Variants in MALRD1 observed in about 807,000 individuals in gnomAD.
The protein encoded by MALRD1 is MAM and LDL-receptor class A domain-containing protein 1.
MALRD1 carries 247 observed loss-of-function variants against 242.1 expected under a neutral mutation model. The ratio of observed to expected loss-of-function variants is 1.02; its 90% CI spans 0.92 to 1.13. The LOEUF (loss-of-function observed/expected upper bound fraction) is 1.13. Among genes scored for constraint, MALRD1 ranks in the 50% most tolerant of loss-of-function variants. The pLI is 0.00. For synonymous variants in MALRD1, 995 were observed against 866.6 expected (o/e 1.15, Z -2.60); for missense variants, 2,989 against 2,533.1 (o/e 1.18, Z -3.86).
At chr10:19,259,983 C>T (rs1433473858) in intron 19 of MALRD1, among the ~76,000 whole-genome samples, 1 of 152,116 alleles carries the variant, frequency 6.6e-6, no homozygotes, top group Non-Finnish European at 1.5e-5. Context: ...ACTGTTTAAT[C>T]TCCAATTCCT....
chr10:19,711,298 A>G (rs893734794), intron 38 of MALRD1: 6 of 152,198 alleles, frequency 3.9e-5, no homozygotes, highest in African/African-American at 1.4e-4. Flanking sequence ...TCTTTTCAAA[A>G]AAGAAACACA....
chr10:19,319,573 C>T (rs951063151), intron 21 of MALRD1, among the ~76,000 whole-genome samples: 15 of 152,082 alleles, frequency 9.9e-5, no homozygotes, highest in African/African-American at 3.1e-4. Context: ...AACAAAGAGA[C>T]TTATAAATAA....
rs575204911 is a variant in MALRD1 at position 19,684,160 on chromosome 10, A to G, written c.6138-8122A>G. Among the ~76,000 whole-genome samples, 156 of 152,232 alleles carry G rather than the reference A, an allele frequency of 1.0e-3. 1 individual carries two copies. Among genetic ancestry groups the G allele is most frequent in the Non-Finnish European group, 1.1e-3 (72 of 68,018 alleles). The stretch of plus-strand genomic sequence containing the variant: ...CATATTTTAACTTTAGTGAAGCAAA[A>G]CCGTATGGTCAACAGAGCCAAAGTT... On this transcript the variant is annotated intron_variant, in intron 36 of 39. Coordinates refer to ENST00000454679, the MANE Select transcript of MALRD1 (RefSeq NM_001142308.3).
chr10:19,101,279 T>A (rs928029909), intron 4 of MALRD1, among the ~76,000 whole-genome samples: 1 of 146,902 alleles, frequency 6.8e-6, no homozygotes, highest in Admixed American at 6.9e-5. Flanking sequence ...ATATATAATA[T>A]GTAATAAATA....
intron 21 of MALRD1, among the ~76,000 whole-genome samples, chr10:19,306,594 T>C (rs1208734236): frequency 6.7e-6 from 1 of 149,560 alleles, no homozygotes; most frequent in African/African-American, 2.5e-5. Flanking sequence ...ACTGTATATA[T>C]ACTTAATTGT....
Position 19,266,241 on chromosome 10 carries a change from C to T in MALRD1, c.3079+8470C>T, listed in dbSNP as rs766707435. ...GTAATTATTAATAGGTAAGGACTTA[C>T]TATTGCCATTTAAAAAATTCCTTCC... On this transcript the variant is annotated intron_variant, in intron 19 of 39. Transcript: ENST00000454679. 2.6e-5 allele frequency among the ~76,000 whole-genome samples: 4 copies of T among 151,662 alleles called. 1 individual carries two copies. The highest frequency in any genetic ancestry group is 2.6e-4 in the Admixed American group (4 of 15,220).
intron 21 of MALRD1, among the ~76,000 whole-genome samples, chr10:19,286,589 C>T (rs1297303861): frequency 6.6e-6 from 1 of 151,890 alleles, no homozygotes; most frequent in Non-Finnish European, 1.5e-5. Flanking sequence ...ATACATTCCT[C>T]GACACATACA....
chr10:19,114,379 A>G (rs1836796417), intron 5 of MALRD1, among the ~76,000 whole-genome samples: 1 of 152,178 alleles, frequency 6.6e-6, no homozygotes, highest in Non-Finnish European at 1.5e-5. Flanking sequence ...TTTTTGGTTT[A>G]TAGAAATGAT....
intron 4 of MALRD1, among the ~76,000 whole-genome samples, chr10:19,099,953 G>A (rs1299946497): frequency 6.6e-6 from 1 of 151,942 alleles, no homozygotes; most frequent in African/African-American, 2.4e-5. Flanking sequence ...TTGAGATGGG[G>A]TTTCGCCATG....
chr10:19,545,931 T>C (rs1196966579), intron 32 of MALRD1, among the ~76,000 whole-genome samples: 1 of 152,204 alleles, frequency 6.6e-6, no homozygotes, highest in African/African-American at 2.4e-5. Context: ...ATTTTTACAA[T>C]CATACTGTTA....
intron 35 of MALRD1, among the ~76,000 whole-genome samples, chr10:19,610,423 T>C (rs1387167504): frequency 1.3e-5 from 2 of 151,972 alleles, no homozygotes; most frequent in Non-Finnish European, 2.9e-5. Flanking sequence ...TCTGCTTCTA[T>C]GATATCAACT....
At chr10:19,203,361 G>A (rs1276128591) in intron 14 of MALRD1, among the ~76,000 whole-genome samples, 1 of 152,020 alleles carries the variant, frequency 6.6e-6, no homozygotes. Flanking sequence ...AAAATACCCT[G>A]CAGGAACAAT....
intron 31 of MALRD1, among the ~76,000 whole-genome samples, chr10:19,513,044 T>A (rs11813948): frequency 1.1e-3 from 162 of 152,314 alleles, no homozygotes; most frequent in African/African-American, 3.8e-3. Flanking sequence ...CATAGATAAT[T>A]TGAGTTGGGT....
rs556383399 is a variant in MALRD1 at position 19,072,489 on chromosome 10, T to C, written c.340+5630T>C. On this transcript the variant is annotated intron_variant, in intron 2 of 39. Coordinates refer to ENST00000454679, the MANE Select transcript of MALRD1 (RefSeq NM_001142308.3). The stretch of plus-strand genomic sequence containing the variant: ...ACAGGTAAAAACCCTTCTTAACTCA[T>C]AGGATATGCAAAATTAGGTGGCAGG... Among the ~76,000 whole-genome samples, 6 of 152,280 alleles carry C rather than the reference T, an allele frequency of 3.9e-5. No homozygotes were observed. In the East Asian group the frequency reaches 1.2e-3, roughly 29 times the overall value.
intron 19 of MALRD1, among the ~76,000 whole-genome samples, chr10:19,270,975 G>A (rs1040999055): frequency 6.6e-6 from 1 of 152,064 alleles, no homozygotes; most frequent in African/African-American, 2.4e-5. Flanking sequence ...GAAACACATG[G>A]ATAAACCTAA....
chr10:19,254,735 A>T (rs1839429604), intron 18 of MALRD1, among the ~76,000 whole-genome samples: 1 of 151,900 alleles, frequency 6.6e-6, no homozygotes, highest in Admixed American at 6.6e-5. Flanking sequence ...ATATCTGAAA[A>T]TACATTATAG....
At chr10:19,673,365 T>A (rs1375204960) in intron 36 of MALRD1, among the ~76,000 whole-genome samples, 1 of 152,126 alleles carries the variant, frequency 6.6e-6, no homozygotes, top group African/African-American at 2.4e-5. Flanking sequence ...CCAGCCTGGG[T>A]GACAGAGTGG....
At chr10:19,134,479 A>T (rs1363731664) in intron 9 of MALRD1, among the ~76,000 whole-genome samples, 3 of 152,208 alleles carry the variant, frequency 2.0e-5, no homozygotes, top group African/African-American at 7.2e-5. Context: ...GGCTTTTGCC[A>T]TTGCTTTTAA....
intron 28 of MALRD1, among the ~76,000 whole-genome samples, chr10:19,414,540 G>A (rs1004466222): frequency 3.9e-5 from 6 of 152,178 alleles, no homozygotes; most frequent in Admixed American, 3.3e-4. Flanking sequence ...TTTAGTGCTT[G>A]TATGACATCT....
Sources: gnomAD v4.1 joint callset for allele counts (sites outside exome capture counted in the v4.1 genomes callset) on GRCh38, gnomAD v4.1.1 for gene constraint, MANE v1.5 for transcripts, NCBI Gene and HGNC (gene_info 2026-07-23, HGNC 2026-07-21) for gene names.